Variants in PCDH11X observed in about 807,000 individuals in gnomAD.
The protein encoded by PCDH11X is protocadherin-11 X-linked.
PCDH11X carries 18 observed loss-of-function variants against 53.3 expected under a neutral mutation model. That is an observed-to-expected ratio of 0.34 (90% confidence interval 0.23 to 0.50). The LOEUF is 0.50. Among genes scored for constraint, PCDH11X ranks in the 20% least tolerant of loss-of-function variants. The probability of loss-of-function intolerance (pLI) is 0.98; values close to 1 mark genes in which losing one functional copy is unlikely to be tolerated. For synonymous variants in PCDH11X, 279 were observed against 393.3 expected, an observed-to-expected ratio of 0.71 and a Z score of 3.44; for missense variants, 570 against 1,032.4, an observed-to-expected ratio of 0.55 and a Z score of 6.14.
chrX:92,587,655 A>G (rs1432175695), intron 10 of PCDH11X, among the ~76,000 whole-genome samples: 13 of 109,888 alleles, frequency 1.2e-4, no homozygotes, highest in Non-Finnish European at 2.1e-4. Context: ...ATATTTCGAT[A>G]TACTGTAATT....
chrX:92,000,038 A>G (rs959890299), intron 6 of PCDH11X, among the ~76,000 whole-genome samples: 23 of 112,011 alleles, frequency 2.1e-4, no homozygotes, highest in Non-Finnish European at 1.7e-4. Context: ...GTGTAAAAAC[A>G]TGAGTCAACT....
intron 6 of PCDH11X, among the ~76,000 whole-genome samples, chrX:92,014,746 G>C (rs1196716997): frequency 8.9e-6 from 1 of 111,762 alleles, no homozygotes; most frequent in African/African-American, 3.3e-5. Flanking sequence ...GGACATGGTT[G>C]AAGCTGGAAA....
At chrX:91,826,100 A>G (rs1386043660) in intron 4 of PCDH11X, among the ~76,000 whole-genome samples, 2 of 111,648 alleles carry the variant, frequency 1.8e-5, no homozygotes, top group South Asian at 3.7e-4. Flanking sequence ...ATTGAAGTTT[A>G]AATGGTTAAT....
At chrX:92,219,039 A>C (rs1457412528) in intron 7 of PCDH11X, among the ~76,000 whole-genome samples, 2 of 111,419 alleles carry the variant, frequency 1.8e-5, no homozygotes, top group Admixed American at 1.9e-4. Flanking sequence ...TATTGATGGG[A>C]CGTATCTCAA....
At chrX:92,563,587 T>C (rs1316033082) in intron 10 of PCDH11X, among the ~76,000 whole-genome samples, 1 of 111,736 alleles carries the variant, frequency 8.9e-6, no homozygotes, top group African/African-American at 3.3e-5. Context: ...TACTTTCAAA[T>C]AGTATATCTA....
chrX:91,951,976 T>TGGTAATTGG (rs1209219558), intron 6 of PCDH11X, among the ~76,000 whole-genome samples: 1 of 110,370 alleles, frequency 9.1e-6, no homozygotes, highest in East Asian at 2.9e-4. Flanking sequence ...ATTATGGGTG[T>TGGTAATTGG]GGTAATTGGT....
At chrX:92,194,302 TA>T (rs2066254375) in intron 6 of PCDH11X, among the ~76,000 whole-genome samples, 1 of 111,909 alleles carries the variant, frequency 8.9e-6, no homozygotes, top group Non-Finnish European at 1.9e-5. Context: ...AATTTACTGA[TA>T]TTTTCTGATA....
intron 6 of PCDH11X, among the ~76,000 whole-genome samples, chrX:92,143,080 C>A (rs984301093): frequency 9.0e-6 from 1 of 111,172 alleles, no homozygotes; most frequent in East Asian, 2.8e-4. Flanking sequence ...AGTTTGAGAC[C>A]AGCCTGGTTA....
chrX:92,188,791 T>G (rs2066142673), intron 6 of PCDH11X, among the ~76,000 whole-genome samples: 1 of 111,819 alleles, frequency 8.9e-6, no homozygotes, highest in Non-Finnish European at 1.9e-5. Flanking sequence ...TACGTGAAAG[T>G]GATCTCAAAG....
chrX:92,138,934 C>T (rs1201106948), intron 6 of PCDH11X, among the ~76,000 whole-genome samples: 1 of 108,802 alleles, frequency 9.2e-6, no homozygotes, highest in African/African-American at 3.4e-5. Flanking sequence ...TGTTTCTTAC[C>T]ACCAATTTTC....
chrX:91,964,847 G>C (rs1387566335), intron 6 of PCDH11X, among the ~76,000 whole-genome samples: 2 of 111,340 alleles, frequency 1.8e-5, no homozygotes, highest in East Asian at 5.7e-4. Context: ...AGAATCTTTA[G>C]GAACAGCAGA....
intron 9 of PCDH11X, among the ~76,000 whole-genome samples, chrX:92,411,967 G>C (rs1358663920): frequency 2.5e-5 from 1 of 40,207 alleles, no homozygotes; most frequent in Admixed American, 2.5e-4. Flanking sequence ...GGAGGAGGAG[G>C]AGGGAAGAAG....
chrX:92,331,341 C>CTTCTTCTTCTTTT (rs1329567733), intron 8 of PCDH11X, among the ~76,000 whole-genome samples: 1 of 35,864 alleles, frequency 2.8e-5, no homozygotes, highest in Admixed American at 4.4e-4. Context: ...TTCCTTCCTT[C>CTTCTTCTTCTTTT]CTTTTCCCCC....
chrX:91,874,731 G>T (rs1939502836), intron 5 of PCDH11X, among the ~76,000 whole-genome samples: 1 of 89,149 alleles, frequency 1.1e-5, no homozygotes, highest in East Asian at 3.4e-4. Context: ...AGATGCATTT[G>T]GATATTGTTT....
chrX:92,309,281 T>C (rs1407333836), intron 8 of PCDH11X, among the ~76,000 whole-genome samples: 5 of 112,269 alleles, frequency 4.5e-5, no homozygotes, highest in Admixed American at 2.9e-4. Context: ...GTGTGGTATA[T>C]ACATATACAG....
chrX:91,969,878 G>A lies in PCDH11X; in HGVS notation c.3033+90605G>A, dbSNP rs538036653. ...GGCAGCATGGCTTGGTGGAGAGTGC[G>A]GCCTAGAATCCTGATTCTGCCAGTT... On this transcript the variant is annotated intron_variant, in intron 6 of 10. Transcript: ENST00000682573. Among the ~76,000 whole-genome samples, 156 of 110,062 alleles carry A rather than the reference G, an allele frequency of 1.4e-3. 3 individuals are homozygous for A. In the South Asian group the frequency reaches 0.06, roughly 43 times the overall value.
chrX:92,187,939 T>C (rs769070488), intron 6 of PCDH11X, among the ~76,000 whole-genome samples: 2 of 111,738 alleles, frequency 1.8e-5, no homozygotes, highest in South Asian at 3.7e-4. Context: ...TTCAGTGAAC[T>C]GCCTAGGGAG....
intron 6 of PCDH11X, among the ~76,000 whole-genome samples, chrX:92,115,305 A>G (rs893522253): frequency 2.7e-5 from 3 of 110,657 alleles, no homozygotes; most frequent in African/African-American, 9.8e-5. Context: ...AATGAAACAC[A>G]TATTTATTGT....
chrX:92,419,063 G>A (rs1472105554), intron 9 of PCDH11X, among the ~76,000 whole-genome samples: 2 of 103,015 alleles, frequency 1.9e-5, no homozygotes, highest in Admixed American at 1.1e-4. Context: ...TCTGTTTTAA[G>A]GTGTATATAT....
Sources: allele counts gnomAD v4.1 joint callset (sites outside exome capture counted in the v4.1 genomes callset), GRCh38; gene constraint gnomAD v4.1.1; transcripts MANE v1.5; gene names NCBI Gene and HGNC (gene_info 2026-07-23, HGNC 2026-07-21).